FBXL7: variants seen among roughly 807,000 people sequenced by gnomAD.
FBXL7 encodes F-box and leucine rich repeat protein 7.
FBXL7 carries 12 observed loss-of-function variants against 38.3 expected under a neutral mutation model. The observed-to-expected ratio is 0.31, with a 90% CI of 0.20 to 0.51. FBXL7 has a LOEUF of 0.51. Among genes scored for constraint, FBXL7 ranks in the 20% least tolerant of loss-of-function variants. The pLI, the probability that FBXL7 is intolerant of heterozygous loss-of-function variation, is 0.98. For synonymous variants in FBXL7, 297 were observed against 300.9 expected (o/e 0.99, Z 0.13); for missense variants, 567 against 676.4 (o/e 0.84, Z 1.79).
chr5:15,877,020 T>C (rs145430923), intron 2 of FBXL7, among the ~76,000 whole-genome samples: 6 of 152,196 alleles, frequency 3.9e-5, no homozygotes, highest in African/African-American at 1.4e-4. Flanking sequence ...TGAATTTGCT[T>C]TTTCTAGATA....
At chr5:15,864,192 G>A (rs1739606415) in intron 2 of FBXL7, among the ~76,000 whole-genome samples, 1 of 151,954 alleles carries the variant, frequency 6.6e-6, no homozygotes, top group South Asian at 2.1e-4. Context: ...CCCTATCACT[G>A]CCTAATCTTG....
At chr5:15,848,817 C>A (rs1739004723) in intron 2 of FBXL7, among the ~76,000 whole-genome samples, 1 of 152,142 alleles carries the variant, frequency 6.6e-6, no homozygotes, top group African/African-American at 2.4e-5. Flanking sequence ...AGAAAGAGCC[C>A]CTGTTTTTTC....
intron 2 of FBXL7, among the ~76,000 whole-genome samples, chr5:15,894,721 G>A (rs536269421): frequency 1.2e-4 from 18 of 152,300 alleles, no homozygotes; most frequent in African/African-American, 4.1e-4. Flanking sequence ...CAATATTTAT[G>A]AGGTAGAGTT....
At chr5:15,523,818 C>T (rs1428443583) in intron 1 of FBXL7, among the ~76,000 whole-genome samples, 3 of 152,136 alleles carry the variant, frequency 2.0e-5, no homozygotes, top group Non-Finnish European at 2.9e-5. Flanking sequence ...GATGGAGTTG[C>T]GTGTCCACAC....
At chr5:15,745,312 T>C (rs1227394811) in intron 2 of FBXL7, among the ~76,000 whole-genome samples, 2 of 152,230 alleles carry the variant, frequency 1.3e-5, no homozygotes, top group Non-Finnish European at 2.9e-5. Flanking sequence ...TTTTACTCTT[T>C]GTATTCATGA....
At chr5:15,743,673 C>T (rs78725102) in intron 2 of FBXL7, among the ~76,000 whole-genome samples, 4,528 of 152,338 alleles carry the variant, frequency 0.03, 85 homozygotes, top group Non-Finnish European at 0.042. Flanking sequence ...AGCAGTGCCT[C>T]AGTGGGGACA....
intron 2 of FBXL7, among the ~76,000 whole-genome samples, chr5:15,702,240 A>G (rs887500898): frequency 4.6e-5 from 7 of 151,960 alleles, no homozygotes; most frequent in African/African-American, 1.7e-4. Flanking sequence ...CCTCTCAAAA[A>G]AAAAAAAAAA....
intron 2 of FBXL7, among the ~76,000 whole-genome samples, chr5:15,774,613 G>A (rs1159368941): frequency 1.3e-5 from 2 of 152,186 alleles, no homozygotes; most frequent in African/African-American, 4.8e-5. Context: ...AAATTGGTCA[G>A]TCCATTGTTT....
In FBXL7 at chr5:15,937,125, G is replaced by T; in HGVS notation, c.1415G>T (p.Arg472Leu). Residue 472 changes from arginine to leucine, a missense_variant, in exon 4 of 4, where the codon CGC (arginine) becomes CTC (leucine). Physicochemically the swap from Arg to Leu is moderately radical, Grantham distance 102 (BLOSUM62 -2). Coordinates refer to ENST00000504595, the MANE Select transcript of FBXL7 (RefSeq NM_012304.5). The part of the protein sequence containing the change: ...QDCEVSVEAL[R>L]FVKRHCKRCV... Reference sequence around the variant, plus strand: ...TGCGAGGTCTCCGTGGAGGCCCTGCGCTTTGTCAAACGCCACTGCAAGCGC... The same window carrying T: ...TGCGAGGTCTCCGTGGAGGCCCTGCTCTTTGTCAAACGCCACTGCAAGCGC... 1 of 1,611,896 alleles carries T rather than the reference G, an allele frequency of 6.2e-7. No homozygotes were observed. The highest frequency in any genetic ancestry group is 8.5e-7 in the Non-Finnish European group (1 of 1,178,590).
intron 1 of FBXL7, among the ~76,000 whole-genome samples, chr5:15,571,647 G>A (rs570357050): frequency 1.8e-4 from 28 of 152,234 alleles, no homozygotes; most frequent in African/African-American, 6.5e-4. Context: ...TTAAGCAGAT[G>A]ACATTTCGAC....
chr5:15,505,094 G>T (rs1188044688), intron 1 of FBXL7, among the ~76,000 whole-genome samples: 6 of 152,172 alleles, frequency 3.9e-5, no homozygotes, highest in African/African-American at 1.2e-4. Flanking sequence ...AGAGCCATTT[G>T]CCTGAGAGCA....
Position 15,852,073 on chromosome 5 carries a change from T to C in FBXL7, c.128-75817T>C, listed in dbSNP as rs183229258. On this transcript the variant is annotated intron_variant, in intron 2 of 3. Transcript: ENST00000504595. ...TCAAAGCTAGCTAAGTCTCTGAGTG[T>C]GTAGGGAGCTGACATCTTGGTGAAA... Among the ~76,000 whole-genome samples the C allele has an allele frequency of 3.9e-5, 6 of 152,258 alleles. No individual in the cohort carries two copies. In the East Asian group the frequency reaches 1.2e-3, roughly 29 times the overall value.
intron 2 of FBXL7, among the ~76,000 whole-genome samples, chr5:15,720,939 A>C (rs1744179069): frequency 1.3e-5 from 2 of 152,108 alleles, no homozygotes; most frequent in Admixed American, 1.3e-4. Context: ...ATAATTTTTA[A>C]ATATAGTAAT....
intron 2 of FBXL7, among the ~76,000 whole-genome samples, chr5:15,722,775 T>A (rs1426551221): frequency 6.6e-6 from 1 of 151,836 alleles, no homozygotes; most frequent in African/African-American, 2.4e-5. Context: ...ATACAAAAAT[T>A]AGCCCAGCGT....
intron 2 of FBXL7, among the ~76,000 whole-genome samples, chr5:15,698,086 G>T (rs1300272412): frequency 1.3e-5 from 2 of 152,156 alleles, no homozygotes; most frequent in African/African-American, 4.8e-5. Flanking sequence ...TCTTCCAGAG[G>T]TTGGAGCACA....
chr5:15,714,199 G>C (rs535823323), intron 2 of FBXL7, among the ~76,000 whole-genome samples: 2 of 152,272 alleles, frequency 1.3e-5, no homozygotes, highest in South Asian at 4.1e-4. Flanking sequence ...GGATCATGGG[G>C]GCAAATTTTC....
At chr5:15,682,305 T>C (rs759145994) in intron 2 of FBXL7, among the ~76,000 whole-genome samples, 2 of 152,164 alleles carry the variant, frequency 1.3e-5, no homozygotes, top group Non-Finnish European at 2.9e-5. Flanking sequence ...TCACATTCCA[T>C]TGGCCAGATC....
chr5:15,853,218 A>G (rs1413589464), intron 2 of FBXL7, among the ~76,000 whole-genome samples: 1 of 152,172 alleles, frequency 6.6e-6, no homozygotes, highest in Non-Finnish European at 1.5e-5. Flanking sequence ...ACATGCAAGC[A>G]CTGAGTGCCA....
intron 2 of FBXL7, among the ~76,000 whole-genome samples, chr5:15,638,043 C>T (rs188480042): frequency 2.8e-4 from 42 of 152,236 alleles, no homozygotes; most frequent in Middle Eastern, 6.8e-3. Context: ...TAGGTCAGGC[C>T]CCTTGCAAAG....
Sources: allele counts gnomAD v4.1 joint callset (sites outside exome capture counted in the v4.1 genomes callset), GRCh38; gene constraint gnomAD v4.1.1; transcripts MANE v1.5; gene names NCBI Gene and HGNC (gene_info 2026-07-23, HGNC 2026-07-21).